The following METTL25 variants were observed in gnomAD, a reference collection of about 807,000 sequenced individuals.
METTL25 encodes methyltransferase like 25.
Under a neutral mutation model 71.6 loss-of-function variants are expected in METTL25, and 64 were observed. The observed-to-expected ratio is 0.89, with a 90% CI of 0.73 to 1.10. The LOEUF (loss-of-function observed/expected upper bound fraction) is 1.10. Among genes scored for constraint, METTL25 ranks in the 50% least tolerant of loss-of-function variants. METTL25 has a pLI of 0.00. For missense variants in METTL25, 807 were observed against 707.0 expected (o/e 1.14, Z -1.60); for synonymous variants, 287 against 250.3 (o/e 1.15, Z -1.38).
At chr12:82,439,988 G>T (rs1374426596) in intron 8 of METTL25, 1 of 196,210 alleles carries the variant, frequency 5.1e-6, no homozygotes, top group Non-Finnish European at 9.2e-6. Context: ...TCAGAAGACA[G>T]CTCGTATTTA....
rs146139529 is a variant in METTL25, at chr12:82,394,767, G to A, written c.532-4028G>A. 9.2e-5 allele frequency among the ~76,000 whole-genome samples: 14 copies of A among 151,968 alleles called. No individual in the cohort carries two copies. In the East Asian group the frequency reaches 2.7e-3, roughly 30 times the overall value. ...AAACAAAAGGGAGGAGCTTATCTGG[G>A]GATAGTTAATTAAAGTTTTTGATAC... On this transcript the variant is annotated intron_variant, in intron 3 of 11. Coordinates refer to ENST00000248306, the MANE Select transcript of METTL25 (RefSeq NM_032230.3).
intron 9 of METTL25, among the ~76,000 whole-genome samples, chr12:82,475,845 C>G (rs969269319): frequency 2.0e-5 from 3 of 151,924 alleles, no homozygotes; most frequent in African/African-American, 7.3e-5. Flanking sequence ...GAAATATTTA[C>G]CTTATATACT....
At chr12:82,410,798 A>G (rs1887503556) in intron 5 of METTL25, among the ~76,000 whole-genome samples, 1 of 152,036 alleles carries the variant, frequency 6.6e-6, no homozygotes, top group African/African-American at 2.4e-5. Flanking sequence ...AAAACTAATA[A>G]TGGTCCCCAA....
intron 4 of METTL25, among the ~76,000 whole-genome samples, chr12:82,401,692 T>C (rs1354824757): frequency 6.6e-6 from 1 of 152,068 alleles, no homozygotes; most frequent in Non-Finnish European, 1.5e-5. Context: ...TTAATTTTAG[T>C]TGGTATTATA....
At chr12:82,460,528 A>G (rs1444270493) in intron 9 of METTL25, among the ~76,000 whole-genome samples, 1 of 152,216 alleles carries the variant, frequency 6.6e-6, no homozygotes, top group African/African-American at 2.4e-5. Context: ...CTCTTGTTAT[A>G]AGGTGAGGAA....
intron 1 of METTL25, among the ~76,000 whole-genome samples, chr12:82,373,018 G>A (rs907471725): frequency 2.0e-5 from 3 of 152,216 alleles, no homozygotes; most frequent in South Asian, 4.2e-4. Context: ...CCTTACCGAC[G>A]CATTCTCGAA....
At chr12:82,417,449 T>G (rs1049179731) in intron 5 of METTL25, among the ~76,000 whole-genome samples, 1 of 152,176 alleles carries the variant, frequency 6.6e-6, no homozygotes, top group Non-Finnish European at 1.5e-5. Context: ...TGCAAGCATA[T>G]ACGTTAAAAA....
In METTL25 at chr12:82,452,262, G is replaced by A. The variant is rs933290089; in HGVS notation, c.1479-4465G>A. Among the ~76,000 whole-genome samples, 5 of 152,204 alleles carry A rather than the reference G, an allele frequency of 3.3e-5. No individual in the cohort carries two copies. The East Asian group carries it at 9.6e-4, about 29-fold the overall frequency. On this transcript the variant is annotated intron_variant, in intron 8 of 11. Transcript: ENST00000248306. ...ATAACACACCCCATATTCCTTTTGT[G>A]AATAATCCTATTCTGCCCTTTTATT...
intron 9 of METTL25, among the ~76,000 whole-genome samples, chr12:82,460,609 C>T (rs181482619): frequency 3.3e-5 from 5 of 152,258 alleles, no homozygotes; most frequent in Non-Finnish European, 4.4e-5. Context: ...AAATATCTGA[C>T]AAATCCCAGT....
At chr12:82,393,248 C>T (rs185391575) in intron 3 of METTL25, among the ~76,000 whole-genome samples, 22 of 152,014 alleles carry the variant, frequency 1.4e-4, no homozygotes, top group Admixed American at 1.4e-3. Flanking sequence ...TATTGATTCC[C>T]CTAATCCATG....
At chr12:82,394,642 C>T (rs1185039730) in intron 3 of METTL25, among the ~76,000 whole-genome samples, 2 of 151,824 alleles carry the variant, frequency 1.3e-5, no homozygotes, top group Non-Finnish European at 2.9e-5. Flanking sequence ...AATATTTTTG[C>T]CCTAGTGGCA....
intron 6 of METTL25, among the ~76,000 whole-genome samples, chr12:82,431,747 C>A (rs2717452): frequency 4.6e-5 from 7 of 151,664 alleles, no homozygotes; most frequent in East Asian, 3.9e-4. Flanking sequence ...CCCTTCATAC[C>A]TTGAAACTAC....
At chr12:82,475,441 G>GA (rs1466213753) in intron 9 of METTL25, among the ~76,000 whole-genome samples, 1 of 151,842 alleles carries the variant, frequency 6.6e-6, no homozygotes, top group Non-Finnish European at 1.5e-5. Context: ...AATTGAATGA[G>GA]ACAGAGCCTT....
intron 5 of METTL25, among the ~76,000 whole-genome samples, chr12:82,420,456 T>C (rs1156416583): frequency 6.6e-6 from 1 of 152,150 alleles, no homozygotes; most frequent in Non-Finnish European, 1.5e-5. Flanking sequence ...TGTTGACTTA[T>C]TTCCAAACAC....
At chr12:82,362,933 T>C (rs895095442) in intron 1 of METTL25, among the ~76,000 whole-genome samples, 6 of 152,216 alleles carry the variant, frequency 3.9e-5, no homozygotes, top group Admixed American at 2.0e-4. Flanking sequence ...AAGAGGTTAC[T>C]ATTGAAAGAC....
chr12:82,376,865 C>T (rs1292400382), intron 1 of METTL25, among the ~76,000 whole-genome samples: 1 of 152,130 alleles, frequency 6.6e-6, no homozygotes, highest in African/African-American at 2.4e-5. Flanking sequence ...CCTGTAATCC[C>T]AGCACTTTGG....
chr12:82,378,221 A>T (rs560331416), intron 1 of METTL25, among the ~76,000 whole-genome samples: 1 of 152,304 alleles, frequency 6.6e-6, no homozygotes, highest in African/African-American at 2.4e-5. Context: ...TTACATAATG[A>T]TTGCAATCAA....
At position 82,386,960 on chromosome 12, in the gene METTL25, G is replaced by A; in HGVS notation, c.417G>A (p.Gln139=). The change falls in exon 2 of 12, where the codon CAG becomes CAA. Residue 139 remains glutamine, a synonymous_variant. Transcript: ENST00000248306. ...LLVALRGNQN[Q]RIGENQKAVE... ...TAGCCCTTCGAGGAAATCAAAACCAGAGAATTGGTATGTCTATTTATGTGT... is the reference window on the plus strand; with the variant it reads ...TAGCCCTTCGAGGAAATCAAAACCAAAGAATTGGTATGTCTATTTATGTGT... The A allele has an allele frequency of 1.9e-6, 3 of 1,612,252 alleles. No individual in the cohort carries two copies. The highest frequency in any genetic ancestry group is 2.5e-6 in the Non-Finnish European group (3 of 1,178,996).
chr12:82,431,444 A>G (rs1217140623), intron 6 of METTL25, among the ~76,000 whole-genome samples: 1 of 151,636 alleles, frequency 6.6e-6, no homozygotes, highest in African/African-American at 2.4e-5. Context: ...TCAGTTTACA[A>G]AGAAATGAGT....
Sources: allele counts gnomAD v4.1 joint callset (sites outside exome capture counted in the v4.1 genomes callset), GRCh38; gene constraint gnomAD v4.1.1; transcripts MANE v1.5; gene names NCBI Gene and HGNC (gene_info 2026-07-23, HGNC 2026-07-21).